MIF4GD: variants seen among roughly 807,000 people sequenced by gnomAD.
MIF4GD encodes MIF4G domain containing.
A neutral mutation model predicts 26.7 loss-of-function variants in MIF4GD; 22 were observed. That is an observed-to-expected ratio of 0.82 (90% confidence interval 0.59 to 1.18). MIF4GD has a LOEUF of 1.18. MIF4GD is among the 50% of genes most tolerant of loss of function. MIF4GD has a pLI of 0.00. For synonymous variants in MIF4GD, 137 were observed against 111.6 expected, an observed-to-expected ratio of 1.23 and a Z score of -1.43; for missense variants, 262 against 279.6, an observed-to-expected ratio of 0.94 and a Z score of 0.45.
chr17:75,270,079 T>C lies in MIF4GD; in HGVS notation c.82+35A>G, dbSNP rs761388325. On this transcript the variant is annotated intron_variant, in intron 2 of 5. Transcript: ENST00000325102. This position sits in a 1 kb window ranked among gnomAD's most constrained non-coding sequence, Gnocchi z 5.7. ...GCCCACAGGGGCCCTTCTCTGTAGC[T>C]CCTGACCCCAGCTCAGGAGGGGTCC... 101 of 1,597,280 alleles carry C rather than the reference T, an allele frequency of 6.3e-5. No homozygotes were observed. The highest frequency in any genetic ancestry group is 8.0e-5 in the Non-Finnish European group (93 of 1,165,278).
chr17:75,270,011 A>AGG lies in MIF4GD; in HGVS notation c.82+101_82+102dup, dbSNP rs2077672451. On this transcript the variant is annotated intron_variant, in intron 2 of 5. Coordinates refer to ENST00000325102, the MANE Select transcript of MIF4GD (RefSeq NM_001370592.1). This position sits in a 1 kb window ranked among gnomAD's most constrained non-coding sequence, Gnocchi z 5.7. The stretch of plus-strand genomic sequence containing the variant: ...TGCCGACTCCTATCGTCAGAGAATG[A>AGG]GGGGAGGGGTGGAGGCATTCACCAG... The AGG allele has an allele frequency of 1.1e-6, 1 of 908,422 alleles. No homozygotes were observed. Among genetic ancestry groups the AGG allele is most frequent in the Non-Finnish European group, 1.8e-6 (1 of 565,704 alleles). 56.3% of individuals were successfully genotyped at this position (908,422 alleles called of 1,614,324 possible).
rs1316753840 is a variant in MIF4GD at position 75,266,525 on chromosome 17, T to C, written c.*215A>G. 2 of 597,432 alleles carry C rather than the reference T, an allele frequency of 3.3e-6. No individual in the cohort carries two copies. Among genetic ancestry groups the C allele is most frequent in the East Asian group, 5.7e-5 (2 of 35,240 alleles). The allele number at this position is 597,432 out of a possible 1,614,324, so 37.0% of individuals were successfully genotyped here. A position where few individuals can be genotyped will look rare whatever the true frequency, so the allele number is the denominator to read the frequency against. On this transcript the variant is annotated 3_prime_UTR_variant, in exon 6 of 6. Coordinates refer to ENST00000325102, the MANE Select transcript of MIF4GD (RefSeq NM_001370592.1). The stretch of plus-strand genomic sequence containing the variant: ...GTGGCTCTTGGGAGTTGCCCTTCTC[T>C]GCCTGGCCGTGGTGGGTTGTGGTGG...
intron 2 of MIF4GD, among the ~76,000 whole-genome samples, 161 bp from the exon 3 acceptor site, chr17:75,268,353 G>A (rs778031112): frequency 6.6e-6 from 1 of 152,168 alleles, no homozygotes; most frequent in Non-Finnish European, 1.5e-5. Context: ...GGTGCAATTG[G>A]TTAGCGCATG....
rs918104139 is a variant in MIF4GD at position 75,267,645 on chromosome 17, A to C, written c.349-15T>G. ...ATGTTGTTCACCTGTGAGGAAGAGG[A>C]GGGGTCAGAGCACCAGGCTTAGTGG... On this transcript the variant is annotated splice_polypyrimidine_tract_variant and intron_variant, in intron 4 of 5. Transcript: ENST00000325102. 2.2e-5 allele frequency: 35 copies of C among 1,614,096 alleles called. No homozygotes were observed. Among genetic ancestry groups the C allele is most frequent in the Non-Finnish European group, 2.8e-5 (33 of 1,179,960 alleles).
intron 5 of MIF4GD, 21 bp from the exon 6 acceptor site, chr17:75,266,988 A>G (rs1465701608): frequency 1.3e-6 from 2 of 1,599,676 alleles, no homozygotes; most frequent in Non-Finnish European, 1.7e-6. Context: ...CAGTGTGGGT[A>G]ACACAAGTGA....
chr17:75,269,399 G>T, intron 2 of MIF4GD: 1 of 1,614,074 alleles, frequency 6.2e-7, no homozygotes, highest in Non-Finnish European at 8.5e-7. Context: ...AATTACTATA[G>T]CTCCTCTGGC....
Position 75,268,089 on chromosome 17 carries a change from G to A in MIF4GD, c.186C>T (p.Ile62=), listed in dbSNP as rs1825963719. 1 of 1,613,964 alleles carries A rather than the reference G, an allele frequency of 6.2e-7. No individual in the cohort carries two copies. Among genetic ancestry groups the A allele is most frequent in the Admixed American group, 1.7e-5 (1 of 60,012 alleles). Residue 62 remains isoleucine (I), a synonymous_variant, in exon 3 of 6, where the codon ATC becomes ATT. Transcript: ENST00000325102. The part of the protein sequence containing the change: ...SKEAGRMCYA[I]IQAESKQAGQ... ...TCCTCTCCCAACCCCCAACCTGAAT[G>A]ATGGCGTAGCACATGCGTCCTGCTT...
At chr17:75,269,538 T>G in intron 2 of MIF4GD, 1 of 1,470,768 alleles carries the variant, frequency 6.8e-7, no homozygotes, top group Non-Finnish European at 9.1e-7. Flanking sequence ...TTCTTTTTTT[T>G]ATGGTTAAAC....
intron 5 of MIF4GD, 116 bp downstream of exon 5, chr17:75,267,422 G>T (rs770118031): frequency 9.7e-7 from 1 of 1,026,740 alleles, no homozygotes; most frequent in Non-Finnish European, 1.5e-6. Flanking sequence ...CCACAGTCCT[G>T]CCCCAGAAGT....
intron 4 of MIF4GD, 42 bp from the exon 5 acceptor site, chr17:75,267,672 C>CA (rs1244195177): frequency 6.2e-7 from 1 of 1,613,676 alleles, no homozygotes; most frequent in South Asian, 1.1e-5. Flanking sequence ...GCTTAGTGGC[C>CA]AAGGGGAGCA....
chr17:75,270,315 G>A lies in MIF4GD; in HGVS notation c.-50-70C>T. On this transcript the variant is annotated intron_variant, in intron 1 of 5. Transcript: ENST00000325102. The surrounding 1 kb of genome is among the most constrained non-coding windows in gnomAD (Gnocchi z 5.7). ...GGGCGGGTTCCGTCCTGCAGGCCCT[G>A]GACGGGGCTGACGGCGCGCTCGGGA... 1 of 883,710 alleles carries A rather than the reference G, an allele frequency of 1.1e-6. No homozygotes were observed. The highest frequency in any genetic ancestry group is 2.5e-5 in the East Asian group (1 of 40,620). 54.7% of individuals were successfully genotyped at this position (883,710 alleles called of 1,614,324 possible). A position where few individuals can be genotyped will look rare whatever the true frequency, so the allele number is the denominator to read the frequency against.
At chr17:75,268,310 A>C in intron 2 of MIF4GD, 118 bp from the exon 3 acceptor site, 1 of 762,126 alleles carries the variant, frequency 1.3e-6, no homozygotes, top group Non-Finnish European at 2.3e-6. Flanking sequence ...AGTGAAAGAG[A>C]TCAGAAATCA....
chr17:75,267,437 C>A (rs558572724), intron 5 of MIF4GD, 101 bp downstream of exon 5: 79 of 1,174,940 alleles, frequency 6.7e-5, no homozygotes, highest in Non-Finnish European at 9.3e-5. Flanking sequence ...AGAAGTGACA[C>A]AGTCCTCAGA....
intron 3 of MIF4GD, 44 bp downstream of exon 3, chr17:75,268,039 G>T: frequency 6.2e-7 from 1 of 1,608,036 alleles, no homozygotes; most frequent in Non-Finnish European, 8.5e-7. Context: ...CACTCCTGAA[G>T]CACCTTCCTC....
At position 75,268,318 on chromosome 17, in the gene MIF4GD, TCATA is replaced by T. The variant is rs1306172762; in HGVS notation, c.83-130_83-127del. 3 of 740,310 alleles carry T rather than the reference TCATA, an allele frequency of 4.1e-6. No homozygotes were observed. In the African/African-American group the frequency reaches 5.2e-5, roughly 13 times the overall value. The allele number at this position is 740,310 out of a possible 1,614,324, so 45.9% of individuals were successfully genotyped here. On this transcript the variant is annotated intron_variant, in intron 2 of 5. Coordinates refer to ENST00000325102, the MANE Select transcript of MIF4GD (RefSeq NM_001370592.1). ...TGCTTGAAGTGAAAGAGATCAGAAATCATACAGAGGACAGTGGCTCCAGTGGTGC... is the reference window on the plus strand; with the variant it reads ...TGCTTGAAGTGAAAGAGATCAGAAATCAGAGGACAGTGGCTCCAGTGGTGC...
At chr17:75,267,453 C>T (rs753425275) in intron 5 of MIF4GD, 85 bp downstream of exon 5, 3 of 1,361,462 alleles carry the variant, frequency 2.2e-6, no homozygotes, top group East Asian at 4.6e-5. Context: ...TCAGAGACCT[C>T]CGTGAGCAGT....
chr17:75,271,214 C>A lies in MIF4GD; in HGVS notation c.-121G>T, dbSNP rs1181565486. On this transcript the variant is annotated 5_prime_UTR_variant, in exon 1 of 6. Transcript: ENST00000325102. This position sits in a 1 kb window ranked among gnomAD's most constrained non-coding sequence, Gnocchi z 4.2. The stretch of plus-strand genomic sequence containing the variant: ...CTGGGAGCGCGCAACCAGCGTCCGG[C>A]GCTGCGGGGCCCGCCGTGAGCTCAT... 6.7e-6 allele frequency: 1 copy of A among 149,722 alleles called. No individual in the cohort carries two copies. The highest frequency in any genetic ancestry group is 1.5e-5 in the Non-Finnish European group (1 of 67,162). 9.3% of individuals were successfully genotyped at this position (149,722 alleles called of 1,614,324 possible).
chr17:75,267,044 G>C (rs2077512757), intron 5 of MIF4GD, 77 bp from the exon 6 acceptor site: 5 of 1,322,250 alleles, frequency 3.8e-6, no homozygotes, highest in Non-Finnish European at 5.3e-6. Flanking sequence ...CAAGTGCCAG[G>C]TGCTGTGCTT....
intron 2 of MIF4GD, among the ~76,000 whole-genome samples, chr17:75,268,717 G>A (rs12103470): frequency 0.049 from 7,457 of 151,460 alleles, 617 homozygotes; most frequent in African/African-American, 0.17. Flanking sequence ...CATACAGAGG[G>A]CCTGGTGTGG....
Sources: allele counts gnomAD v4.1 joint callset (sites outside exome capture counted in the v4.1 genomes callset), GRCh38; gene constraint gnomAD v4.1.1; non-coding constraint Gnocchi (gnomAD v3.1); transcripts MANE v1.5; gene names NCBI Gene and HGNC (gene_info 2026-07-23, HGNC 2026-07-21).